Variants in CNTN4 observed in about 807,000 individuals in gnomAD.
CNTN4 encodes contactin-4.
Under a neutral mutation model 122.5 loss-of-function variants are expected in CNTN4, and 77 were observed. The observed-to-expected ratio is 0.63, with a 90% confidence interval of 0.52 to 0.76. The LOEUF (loss-of-function observed/expected upper bound fraction) is 0.76, where lower values mean the gene tolerates loss of function less well. CNTN4 is among the 30% of genes least tolerant of loss of function. The pLI is 0.00. For missense variants in CNTN4, 1,256 were observed against 1,259.1 expected (o/e 1.00, Z 0.04); for synonymous variants, 512 against 447.0 (o/e 1.15, Z -1.83).
At chr3:2,942,284 G>C (rs1224811217) in intron 13 of CNTN4, among the ~76,000 whole-genome samples, 1 of 152,160 alleles carries the variant, frequency 6.6e-6, no homozygotes, top group Non-Finnish European at 1.5e-5. Context: ...ATGGAGAATT[G>C]TCAGTAGAAA....
At chr3:2,965,802 A>G (rs1325277812) in intron 13 of CNTN4, among the ~76,000 whole-genome samples, 2 of 152,140 alleles carry the variant, frequency 1.3e-5, no homozygotes, top group African/African-American at 4.8e-5. Flanking sequence ...TGCTCTGACA[A>G]TGAGCTACCA....
chr3:2,193,751 T>A (rs1490325365), intron 2 of CNTN4, among the ~76,000 whole-genome samples: 1 of 152,234 alleles, frequency 6.6e-6, no homozygotes, highest in Non-Finnish European at 1.5e-5. Context: ...CATAAGATTA[T>A]AATACTGTAT....
chr3:2,880,113 A>C (rs756039421), intron 8 of CNTN4, among the ~76,000 whole-genome samples: 1 of 152,218 alleles, frequency 6.6e-6, no homozygotes, highest in Non-Finnish European at 1.5e-5. Flanking sequence ...GTGATATTTT[A>C]GTTCTTTCAA....
chr3:2,253,515 G>T (rs960722401), intron 2 of CNTN4, among the ~76,000 whole-genome samples: 4 of 151,984 alleles, frequency 2.6e-5, no homozygotes, highest in Admixed American at 6.6e-5. Context: ...CAGCTAAAAA[G>T]GTCTACTGAC....
intron 4 of CNTN4, among the ~76,000 whole-genome samples, chr3:2,579,887 A>T (rs1460446911): frequency 6.6e-6 from 1 of 152,188 alleles, no homozygotes; most frequent in African/African-American, 2.4e-5. Flanking sequence ...ATGTTGCCAT[A>T]TTAGTTTCTT....
chr3:2,393,315 G>A (rs1284332404), intron 3 of CNTN4, among the ~76,000 whole-genome samples: 1 of 152,018 alleles, frequency 6.6e-6, no homozygotes, highest in African/African-American at 2.4e-5. Flanking sequence ...TTTTAAATAG[G>A]TCACATTCTG....
chr3:2,994,757 A>G (rs1577546538), intron 14 of CNTN4, among the ~76,000 whole-genome samples: 1 of 152,200 alleles, frequency 6.6e-6, no homozygotes, highest in African/African-American at 2.4e-5. Context: ...GCAATAAAGT[A>G]GAGTCTTTTC....
Position 2,622,707 on chromosome 3 carries a change from C to G in CNTN4, c.55+51149C>G, listed in dbSNP as rs527856896. On this transcript the variant is annotated intron_variant, in intron 4 of 24. Coordinates refer to ENST00000418658, the MANE Select transcript of CNTN4 (RefSeq NM_175607.3). ...CCAGACCTTTTGAGTTCTTCATATA[C>G]ATTATCTTAGCCTACCTAAAGCAAC... Among the ~76,000 whole-genome samples, 10 of 152,288 alleles carry G rather than the reference C, an allele frequency of 6.6e-5. No individual in the cohort carries two copies. The South Asian group carries it at 2.1e-3, about 32-fold the overall frequency.
chr3:2,778,996 C>A (rs531122530), intron 6 of CNTN4, among the ~76,000 whole-genome samples: 6 of 152,202 alleles, frequency 3.9e-5, no homozygotes, highest in African/African-American at 1.4e-4. Context: ...AGACTCTTTA[C>A]TGTGTTAGCC....
At chr3:2,717,548 C>T (rs191988288) in intron 4 of CNTN4, among the ~76,000 whole-genome samples, 28 of 152,264 alleles carry the variant, frequency 1.8e-4, no homozygotes, top group African/African-American at 6.7e-4. Flanking sequence ...TTCTCTGTAT[C>T]CTTTTACATT....
intron 3 of CNTN4, among the ~76,000 whole-genome samples, chr3:2,481,061 C>CTTTCTTTCTT (rs773311259): frequency 5.4e-5 from 6 of 110,902 alleles, no homozygotes; most frequent in Non-Finnish European, 4.0e-5. Flanking sequence ...TTCTTTCTTT[C>CTTTCTTTCTT]TCTCTTTCTC....
chr3:2,745,604 C>A lies in CNTN4; in HGVS notation c.265C>A (p.Pro89Thr). The A allele has an allele frequency of 6.2e-7, 1 of 1,614,010 alleles. No homozygotes were observed. Among genetic ancestry groups the A allele is most frequent in the South Asian group, 1.1e-5 (1 of 91,084 alleles). The change falls in exon 6 of 25, where the codon CCC (proline) becomes ACC (threonine). Residue 89 changes from proline to threonine, a missense_variant. Physicochemically the swap from Pro to Thr is conservative, Grantham distance 38 (BLOSUM62 -1). Coordinates refer to ENST00000418658, the MANE Select transcript of CNTN4 (RefSeq NM_175607.3). Reference sequence around the variant, plus strand: ...TGAAGGGAGCTTGTTGATCAATAACCCCAATAAAACCCAAGATGCTGGAAC... The same window carrying A: ...TGAAGGGAGCTTGTTGATCAATAACACCAATAAAACCCAAGATGCTGGAAC... ...VVEGSLLINN[P>T]NKTQDAGTYQ...
intron 2 of CNTN4, among the ~76,000 whole-genome samples, chr3:2,165,702 T>C (rs1335739811): frequency 1.3e-5 from 2 of 152,090 alleles, no homozygotes; most frequent in East Asian, 3.9e-4. Context: ...CCCCCACACC[T>C]GCCCCCTGGT....
At chr3:2,561,609 T>A (rs2078959275) in intron 3 of CNTN4, among the ~76,000 whole-genome samples, 1 of 152,104 alleles carries the variant, frequency 6.6e-6, no homozygotes, top group African/African-American at 2.4e-5. Context: ...CTCAAACTTT[T>A]TCTAGCAGAA....
At chr3:2,492,919 T>G (rs1301615739) in intron 3 of CNTN4, among the ~76,000 whole-genome samples, 3 of 152,288 alleles carry the variant, frequency 2.0e-5, no homozygotes, top group African/African-American at 4.8e-5. Context: ...CCACAAAGAC[T>G]TGATGGTACA....
chr3:2,163,573 A>T (rs2036055717), intron 2 of CNTN4, among the ~76,000 whole-genome samples: 1 of 152,204 alleles, frequency 6.6e-6, no homozygotes, highest in Admixed American at 6.5e-5. Flanking sequence ...CAACCCGCAG[A>T]ATGGGAGAAA....
At chr3:2,378,808 C>T (rs1000667425) in intron 3 of CNTN4, among the ~76,000 whole-genome samples, 25 of 151,758 alleles carry the variant, frequency 1.6e-4, no homozygotes, top group African/African-American at 5.6e-4. Context: ...TGTGAATCAG[C>T]CATAGGAAGA....
At chr3:2,672,287 G>A (rs1048512510) in intron 4 of CNTN4, among the ~76,000 whole-genome samples, 6 of 152,178 alleles carry the variant, frequency 3.9e-5, no homozygotes, top group African/African-American at 1.4e-4. Context: ...AGGCCAATTT[G>A]TTTACCTACT....
intron 2 of CNTN4, among the ~76,000 whole-genome samples, chr3:2,206,362 A>G (rs1449875588): frequency 6.6e-6 from 1 of 152,106 alleles, no homozygotes; most frequent in Admixed American, 6.6e-5. Context: ...CAGGCAGGTC[A>G]ATGTTCATTT....
Sources: allele counts gnomAD v4.1 joint callset (sites outside exome capture counted in the v4.1 genomes callset), GRCh38; gene constraint gnomAD v4.1.1; transcripts MANE v1.5; gene names NCBI Gene and HGNC (gene_info 2026-07-23, HGNC 2026-07-21).